The following CCL25 variants were observed in gnomAD, a reference collection of about 807,000 sequenced individuals.
CCL25 encodes the protein C-C motif chemokine ligand 25.
CCL25 carries 14 observed loss-of-function variants against 19.9 expected under a neutral mutation model. That is an observed-to-expected ratio of 0.70 (90% CI 0.47 to 1.10). The LOEUF (loss-of-function observed/expected upper bound fraction) is 1.10. Among genes scored for constraint, CCL25 ranks in the 50% least tolerant of loss-of-function variants. CCL25 has a pLI of 0.00. For synonymous variants in CCL25, 68 were observed against 73.2 expected (o/e 0.93, Z 0.36); for missense variants, 151 against 181.2 (o/e 0.83, Z 0.96).
rs759364884 is a variant in CCL25 at position 8,056,267 on chromosome 19, G to A, written c.189G>A (p.Ala63=). ...GCGGGAGCTGCAATCTGCCTGCTGC[G>A]ATGTGAGTGGGGCCGTGGGGGCTGG... ...EVSGSCNLPA[A]IFYLPKRHRK... is the part of the protein sequence containing the mutation. Residue 63 remains alanine, a splice_region_variant and synonymous_variant, in exon 3 of 6, where the codon GCG becomes GCA. Transcript: ENST00000315626. 11 of 1,580,028 alleles carry A rather than the reference G, an allele frequency of 7.0e-6. No homozygotes were observed. The highest frequency in any genetic ancestry group is 2.8e-5 in the African/African-American group (2 of 72,566).
intron 5 of CCL25, 127 bp downstream of exon 5, chr19:8,058,047 A>C (rs1348776745): frequency 7.0e-7 from 1 of 1,429,770 alleles, no homozygotes; most frequent in Non-Finnish European, 9.3e-7. Flanking sequence ...TTGTGCGGTC[A>C]GTGCCGCAGA....
chr19:8,056,470 A>C lies in CCL25; in HGVS notation c.296A>C (p.Lys99Thr). ...LLDARNKVFA[K>T]LHHNTQTFQA... ...GATGCTCGAAATAAGGTTTTTGCAA[A>C]GCTCCACCACAACACGCAGACCTTC... Residue 99 changes from lysine to threonine, a missense_variant, in exon 4 of 6, where the codon AAG becomes ACG. Transcript: ENST00000315626. 6.2e-7 allele frequency: 1 copy of C among 1,614,092 alleles called. No homozygotes were observed. Among genetic ancestry groups the C allele is most frequent in the Non-Finnish European group, 8.5e-7 (1 of 1,180,010 alleles).
Position 8,056,371 on chromosome 19 carries a change from A to G in CCL25, c.197A>G (p.Tyr66Cys), listed in dbSNP as rs763101242. The G allele has an allele frequency of 1.2e-6, 2 of 1,612,914 alleles. No individual in the cohort carries two copies. Among genetic ancestry groups the G allele is most frequent in the South Asian group, 1.1e-5 (1 of 90,874 alleles). ...CCCCCCTCTGCTCACCACAGATTCT[A>G]CCTCCCCAAGAGACACAGGAAGGTG... ...GSCNLPAAIF[Y>C]LPKRHRKVCG... The change falls in exon 4 of 6, where the codon TAC (tyrosine) becomes TGC (cysteine). Residue 66 changes from tyrosine to cysteine, a missense_variant. Transcript: ENST00000315626.
chr19:8,057,782 T>C lies in CCL25; in HGVS notation c.326-19T>C, dbSNP rs774553879. The C allele has an allele frequency of 3.1e-6, 5 of 1,606,594 alleles. No individual in the cohort carries two copies. The highest frequency in any genetic ancestry group is 4.3e-6 in the Non-Finnish European group (5 of 1,175,980). On this transcript the variant is annotated intron_variant, in intron 4 of 5. Coordinates refer to ENST00000315626, the MANE Select transcript of CCL25 (RefSeq NM_005624.4). Reference sequence around the variant, plus strand: ...GATGATGGCAGAGCTCTTGCTTATTTCTCTCTCCATTTCTCCAGCAGGCCC... The same window carrying C: ...GATGATGGCAGAGCTCTTGCTTATTCCTCTCTCCATTTCTCCAGCAGGCCC...
At position 8,062,344 on chromosome 19, in the gene CCL25, C is replaced by G; in HGVS notation, c.*119C>G. 2 of 1,137,640 alleles carry G rather than the reference C, an allele frequency of 1.8e-6. No homozygotes were observed. Among genetic ancestry groups the G allele is most frequent in the Non-Finnish European group, 2.6e-6 (2 of 760,014 alleles). 70.5% of individuals were successfully genotyped at this position (1,137,640 alleles called of 1,614,324 possible). On this transcript the variant is annotated 3_prime_UTR_variant, in exon 6 of 6. Transcript: ENST00000315626. ...TGTCTTTTGGGTCAAGTCTTAATCC[C>G]TGCACCTGAGTTGGTCCTCCCTCTG...
chr19:8,055,461 G>A (rs1159101366), intron 2 of CCL25, among the ~76,000 whole-genome samples: 4 of 149,964 alleles, frequency 2.7e-5, no homozygotes, highest in East Asian at 4.0e-4. Context: ...TCAGCCTCCC[G>A]AGTAGCTGGG....
In CCL25 at chr19:8,057,359, TA is replaced by T. The variant is rs905322178; in HGVS notation, c.326-441del. Reference sequence around the variant, plus strand: ...TTATTATTATTTTGAGACAGGGTTTTACTCTTGTCACCCAGGCTGGAGTGCA... The same window carrying T: ...TTATTATTATTTTGAGACAGGGTTTTCTCTTGTCACCCAGGCTGGAGTGCA... On this transcript the variant is annotated intron_variant, in intron 4 of 5. Transcript: ENST00000315626. Among the ~76,000 whole-genome samples, 36 of 151,726 alleles carry T rather than the reference TA, an allele frequency of 2.4e-4. 1 individual carries two copies. The highest frequency in any genetic ancestry group is 2.2e-4 in the Non-Finnish European group (15 of 67,900).
chr19:8,053,079 G>GGCCGGCTTCCTGGGA lies in CCL25; in HGVS notation c.34_48dup (p.Gly12_Ala16dup). 1.9e-6 allele frequency: 3 copies of GGCCGGCTTCCTGGGA among 1,556,040 alleles called. No homozygotes were observed. Among genetic ancestry groups the GGCCGGCTTCCTGGGA allele is most frequent in the Non-Finnish European group, 2.6e-6 (3 of 1,149,764 alleles). On this transcript the variant is annotated inframe_insertion, in exon 2 of 6. Coordinates refer to ENST00000315626, the MANE Select transcript of CCL25 (RefSeq NM_005624.4). ...ACCTGTGGCTCCTGGCCTGCCTGGTGGCCGGCTTCCTGGGAGCCTGGGCCC... is the reference window on the plus strand; with the variant it reads ...ACCTGTGGCTCCTGGCCTGCCTGGTGGCCGGCTTCCTGGGAGCCGGCTTCCTGGGAGCCTGGGCCC...
At chr19:8,061,030 G>T (rs1484248992) in intron 5 of CCL25, among the ~76,000 whole-genome samples, 1 of 129,948 alleles carries the variant, frequency 7.7e-6, no homozygotes, top group African/African-American at 2.9e-5. Context: ...CTGTCACCCA[G>T]GTTGGAGTGC....
chr19:8,060,707 G>T (rs1014869308), intron 5 of CCL25, among the ~76,000 whole-genome samples: 3 of 151,096 alleles, frequency 2.0e-5, no homozygotes, highest in African/African-American at 7.3e-5. Context: ...TTGAGATGGA[G>T]TCTTGCTCTG....
At chr19:8,055,637 T>C (rs1458476794) in intron 2 of CCL25, among the ~76,000 whole-genome samples, 1 of 151,630 alleles carries the variant, frequency 6.6e-6, no homozygotes, top group Non-Finnish European at 1.5e-5. Context: ...CCCGGCCTAA[T>C]TTTTATATTT....
chr19:8,056,400 G>T lies in CCL25; in HGVS notation c.226G>T (p.Gly76Trp). The T allele has an allele frequency of 6.2e-7, 1 of 1,613,906 alleles. No individual in the cohort carries two copies. The highest frequency in any genetic ancestry group is 2.2e-5 in the East Asian group (1 of 44,874). ...YLPKRHRKVCGNPKSREVQRA... is the reference protein window; with the variant it reads ...YLPKRHRKVCWNPKSREVQRA... ...CCCCAAGAGACACAGGAAGGTGTGT[G>T]GGAACCCCAAAAGCAGGGAGGTGCA... The change falls in exon 4 of 6, where the codon GGG becomes TGG. Residue 76 changes from glycine (G) to tryptophan (W), a missense_variant. Gly to Trp is a radical substitution (Grantham distance 184). Transcript: ENST00000315626.
intron 4 of CCL25, 36 bp downstream of exon 4, chr19:8,056,535 G>A: frequency 1.2e-6 from 2 of 1,611,668 alleles, no homozygotes; most frequent in South Asian, 1.1e-5. Context: ...TAGGGGGCCT[G>A]CCCTCCCTGC....
At chr19:8,055,816 G>T (rs2081266988) in intron 2 of CCL25, among the ~76,000 whole-genome samples, 1 of 152,112 alleles carries the variant, frequency 6.6e-6, no homozygotes, top group South Asian at 2.1e-4. Context: ...CTGGGGAGGG[G>T]TGGTGTTGGC....
At chr19:8,057,944 T>C (rs1283807138) in intron 5 of CCL25, 24 bp downstream of exon 5, 1 of 1,605,916 alleles carries the variant, frequency 6.2e-7, no homozygotes, top group Non-Finnish European at 8.5e-7. Context: ...GTCATGTGAC[T>C]GTCTCCCATC....
Sources: allele counts gnomAD v4.1 joint callset (sites outside exome capture counted in the v4.1 genomes callset), GRCh38; gene constraint gnomAD v4.1.1; transcripts MANE v1.5; gene names NCBI Gene and HGNC (gene_info 2026-07-23, HGNC 2026-07-21).